ATP11B: variants seen among roughly 807,000 people sequenced by gnomAD.
The protein encoded by ATP11B is ATPase phospholipid transporting 11B (putative), also known as phospholipid-transporting ATPase IF.
In ATP11B, 81 loss-of-function variants were observed where a neutral mutation model predicts 157.8. The ratio of observed to expected loss-of-function variants is 0.51; its 90% CI spans 0.43 to 0.62. The LOEUF is 0.62. Among genes scored for constraint, ATP11B ranks in the 20% least tolerant of loss-of-function variants. The pLI, the probability that ATP11B is intolerant of heterozygous loss-of-function variation, is 0.00. For missense variants in ATP11B, 1,165 were observed against 1,402.2 expected (o/e 0.83, Z 2.70); for synonymous variants, 451 against 469.4 (o/e 0.96, Z 0.51).
intron 8 of ATP11B, among the ~76,000 whole-genome samples, chr3:182,845,010 T>TTTTTTA (rs1560081904): frequency 7.3e-5 from 5 of 68,298 alleles, no homozygotes; most frequent in African/African-American, 2.1e-4. Flanking sequence ...TTTTTTATTT[T>TTTTTTA]TTTTTATTTT....
intron 8 of ATP11B, chr3:182,844,285 G>A (rs1312565796): frequency 1.3e-5 from 2 of 152,134 alleles, no homozygotes; most frequent in Non-Finnish European, 2.9e-5. Flanking sequence ...ACTATCCATG[G>A]AGTGTACTCC....
In ATP11B at chr3:182,918,785, A is replaced by T. The variant is rs1725290520; in HGVS notation, c.*681A>T. 1 of 159,092 alleles carries T rather than the reference A, an allele frequency of 6.3e-6. No homozygotes were observed. The highest frequency in any genetic ancestry group is 1.4e-5 in the Non-Finnish European group (1 of 72,658). 9.9% of individuals were successfully genotyped at this position (159,092 alleles called of 1,614,324 possible). ...AGCCATATAAATGCAAGGGTATATC[A>T]TATATACAAATCAGGAATCAGGTCC... On this transcript the variant is annotated 3_prime_UTR_variant, in exon 30 of 30. Coordinates refer to ENST00000323116, the MANE Select transcript of ATP11B (RefSeq NM_014616.3).
At chr3:182,848,374 G>A (rs1719704278) in intron 9 of ATP11B, 102 bp from the exon 10 acceptor site, 1 of 632,622 alleles carries the variant, frequency 1.6e-6, no homozygotes, top group Admixed American at 3.7e-5. Flanking sequence ...TATAACAACT[G>A]TCAGACAGTA....
intron 27 of ATP11B, 72 bp downstream of exon 27, chr3:182,897,478 A>G: frequency 9.1e-7 from 1 of 1,094,168 alleles, no homozygotes; most frequent in Non-Finnish European, 1.3e-6. Flanking sequence ...AGGTTACATT[A>G]TGAACATATT....
chr3:182,903,352 A>G (rs1490784757), intron 28 of ATP11B, among the ~76,000 whole-genome samples: 1 of 152,034 alleles, frequency 6.6e-6, no homozygotes, highest in African/African-American at 2.4e-5. Context: ...TTTATTCTCA[A>G]GGTTTCTAAT....
At chr3:182,804,631 AACTCACATAACATACAATTT>A (rs1716212599) in intron 1 of ATP11B, among the ~76,000 whole-genome samples, 2 of 152,190 alleles carry the variant, frequency 1.3e-5, no homozygotes, top group South Asian at 4.1e-4. Flanking sequence ...ATTGAGATAC[AACTCACATAACATACAATTT>A]ACCCTTATAA....
At chr3:182,896,872 A>G (rs916596027) in intron 26 of ATP11B, 107 bp downstream of exon 26, 13 of 728,984 alleles carry the variant, frequency 1.8e-5, no homozygotes, top group Non-Finnish European at 2.9e-5. Flanking sequence ...TTCCATTTTC[A>G]ATAACGATTA....
At chr3:182,870,084 A>T (rs113604689) in intron 17 of ATP11B, among the ~76,000 whole-genome samples, 1 of 114,530 alleles carries the variant, frequency 8.7e-6, no homozygotes, top group African/African-American at 4.1e-5. Context: ...AATGATTGCC[A>T]GGGGCTGGAG....
chr3:182,916,447 C>T (rs1725146572), intron 29 of ATP11B: 2 of 985,298 alleles, frequency 2.0e-6, no homozygotes, highest in Non-Finnish European at 2.4e-6. Flanking sequence ...ATTTGACTTA[C>T]ATTTTATTAA....
At chr3:182,856,670 AAC>A (rs1377647030) in intron 10 of ATP11B, among the ~76,000 whole-genome samples, 1 of 152,186 alleles carries the variant, frequency 6.6e-6, no homozygotes, top group African/African-American at 2.4e-5. Context: ...AATACATAAT[AAC>A]CAAACGAAAG....
chr3:182,800,731 A>G (rs1715945054), intron 1 of ATP11B, among the ~76,000 whole-genome samples: 2 of 151,128 alleles, frequency 1.3e-5, no homozygotes, highest in Admixed American at 1.3e-4. Context: ...AAATTGTACA[A>G]TTTTTAATTT....
intron 19 of ATP11B, among the ~76,000 whole-genome samples, chr3:182,874,219 A>G (rs1252627814): frequency 2.6e-5 from 4 of 152,248 alleles, no homozygotes; most frequent in South Asian, 2.1e-4. Context: ...TCCAGTGTCT[A>G]TAAAGTTTGA....
chr3:182,860,387 T>C (rs1013253784), intron 12 of ATP11B, among the ~76,000 whole-genome samples: 1 of 152,188 alleles, frequency 6.6e-6, no homozygotes, highest in African/African-American at 2.4e-5. Flanking sequence ...CAATTCTTTA[T>C]GTATGATCTG....
At chr3:182,839,960 A>G (rs1238750349) in intron 7 of ATP11B, among the ~76,000 whole-genome samples, 1 of 152,096 alleles carries the variant, frequency 6.6e-6, no homozygotes, top group Non-Finnish European at 1.5e-5. Context: ...TTTAAAAAGT[A>G]TTTTCCATTA....
At chr3:182,885,870 T>C (rs1366936852) in intron 22 of ATP11B, 81 bp from the exon 23 acceptor site, 1 of 977,314 alleles carries the variant, frequency 1.0e-6, no homozygotes, top group Non-Finnish European at 1.5e-6. Flanking sequence ...TTGGACACTT[T>C]AACAGCCATT....
intron 29 of ATP11B, chr3:182,914,520 C>T (rs891883130): frequency 1.0e-6 from 1 of 985,142 alleles, no homozygotes; most frequent in African/African-American, 1.7e-5. Context: ...CTTCTTATGT[C>T]TGTAATGAAG....
chr3:182,798,774 G>A (rs1715794794), intron 1 of ATP11B, among the ~76,000 whole-genome samples: 1 of 152,238 alleles, frequency 6.6e-6, no homozygotes, highest in African/African-American at 2.4e-5. Context: ...GAAATATGCA[G>A]TGGATCTTGA....
At chr3:182,844,585 G>T in intron 8 of ATP11B, 1 of 983,318 alleles carries the variant, frequency 1.0e-6, no homozygotes, top group Non-Finnish European at 1.2e-6. Flanking sequence ...GCTTCAAGAA[G>T]TATGCAATGC....
intron 19 of ATP11B, among the ~76,000 whole-genome samples, chr3:182,876,746 C>G (rs1722069778): frequency 6.6e-6 from 1 of 152,192 alleles, no homozygotes; most frequent in African/African-American, 2.4e-5. Flanking sequence ...TTAATCCATT[C>G]ATGAAGGCAA....
Sources: allele counts gnomAD v4.1 joint callset (sites outside exome capture counted in the v4.1 genomes callset), GRCh38; gene constraint gnomAD v4.1.1; transcripts MANE v1.5; gene names NCBI Gene and HGNC (gene_info 2026-07-23, HGNC 2026-07-21).